DEFB106B: variants seen among roughly 807,000 people sequenced by gnomAD.
DEFB106B encodes the protein beta-defensin 106.
At chr8:7,483,328 G>GT (rs1381829055) in intron 1 of DEFB106B, among the ~76,000 whole-genome samples, 1 of 117,134 alleles carries the variant, frequency 8.5e-6, no homozygotes, top group African/African-American at 3.4e-5. Flanking sequence ...TGTTGGGAAT[G>GT]TTTTTCTAAG....
At chr8:7,484,368 T>C (rs1406168473) in intron 1 of DEFB106B, among the ~76,000 whole-genome samples, 2 of 148,014 alleles carry the variant, frequency 1.4e-5, no homozygotes, top group Admixed American at 1.4e-4. Flanking sequence ...TAGTGTATTA[T>C]ACTAGTATAT....
intron 1 of DEFB106B, among the ~76,000 whole-genome samples, chr8:7,484,451 G>A (rs1347701063): frequency 4.2e-4 from 60 of 142,796 alleles, no homozygotes; most frequent in Admixed American, 3.3e-3. Context: ...ATACTAGTAT[G>A]TATACTATGC....
At chr8:7,483,962 GTAT>G (rs1214169926) in intron 1 of DEFB106B, among the ~76,000 whole-genome samples, 1 of 125,156 alleles carries the variant, frequency 8.0e-6, no homozygotes, top group African/African-American at 3.1e-5. Flanking sequence ...ATATACCAGT[GTAT>G]TATACTAGTA....
At position 7,483,797 on chromosome 8, in the gene DEFB106B, A is replaced by G. The variant is rs551857209; in HGVS notation, c.50-1045T>C. Among the ~76,000 whole-genome samples the G allele has an allele frequency of 8.0e-4, 105 of 130,704 alleles. 11 individuals carry two copies. The highest frequency in any genetic ancestry group is 1.5e-3 in the Non-Finnish European group (95 of 62,578). The allele number at this position is 130,704 out of a possible 152,430, so 85.7% of individuals were successfully genotyped here. A position where few individuals can be genotyped will look rare whatever the true frequency, so the allele number is the denominator to read the frequency against. On this transcript the variant is annotated intron_variant, in intron 1 of 1. Coordinates refer to ENST00000335479, the MANE Select transcript of DEFB106B (RefSeq NM_001040704.2). ...GACTATAGTGTGGTATTCAGATAAA[A>G]TCTTTTTGGTTTAGTATAGTATCAT...
intron 1 of DEFB106B, among the ~76,000 whole-genome samples, chr8:7,484,232 C>T (rs1475931477): frequency 7.5e-6 from 1 of 133,320 alleles, no homozygotes; most frequent in Non-Finnish European, 1.6e-5. Context: ...CTAGTATATA[C>T]ACTATACTAT....
chr8:7,484,401 AT>A lies in DEFB106B; in HGVS notation c.50-1650del, dbSNP rs1181196622. On this transcript the variant is annotated intron_variant, in intron 1 of 1. Transcript: ENST00000335479. ...TATACACTATACTATATACTTGTGT[AT>A]TATACTAGTATATACACTATACTAT... is the stretch of plus-strand genomic sequence containing the variant. Among the ~76,000 whole-genome samples the A allele has an allele frequency of 1.3e-4, 20 of 148,408 alleles. 1 individual carries two copies. Among genetic ancestry groups the A allele is most frequent in the Admixed American group, 2.7e-4 (4 of 14,788 alleles).
rs1485536971 is a variant in DEFB106B, at chr8:7,484,387, C to T, written c.50-1635G>A. On this transcript the variant is annotated intron_variant, in intron 1 of 1. Coordinates refer to ENST00000335479, the MANE Select transcript of DEFB106B (RefSeq NM_001040704.2). ...GTATTATACTAGTATATACACTATA[C>T]TATATACTTGTGTATTATACTAGTA... 8.8e-5 allele frequency among the ~76,000 whole-genome samples: 13 copies of T among 147,594 alleles called. 1 individual carries two copies. The highest frequency in any genetic ancestry group is 3.3e-4 in the African/African-American group (13 of 39,580).
chr8:7,484,253 AT>A (rs562876342), intron 1 of DEFB106B, among the ~76,000 whole-genome samples: 108 of 129,950 alleles, frequency 8.3e-4, no homozygotes, highest in African/African-American at 1.9e-3. Context: ...ATACTAGTGT[AT>A]TATACTAGTA....
At chr8:7,483,214 TG>T (rs1471735526) in intron 1 of DEFB106B, among the ~76,000 whole-genome samples, 3 of 100,188 alleles carry the variant, frequency 3.0e-5, no homozygotes, top group Non-Finnish European at 6.0e-5. Flanking sequence ...GAGTTTACTG[TG>T]GTAGATAGAA....
chr8:7,484,350 C>T (rs1157990196), intron 1 of DEFB106B, among the ~76,000 whole-genome samples: 1 of 148,214 alleles, frequency 6.7e-6, no homozygotes, highest in Non-Finnish European at 1.5e-5. Context: ...ATACACTATA[C>T]TATATACTAG....
rs548857780 is a variant in DEFB106B at position 7,484,352 on chromosome 8, A to G, written c.50-1600T>C. Among the ~76,000 whole-genome samples the G allele has an allele frequency of 1.4e-4, 20 of 147,684 alleles. No individual in the cohort carries two copies. In the East Asian group the frequency reaches 1.8e-3, roughly 13 times the overall value. On this transcript the variant is annotated intron_variant, in intron 1 of 1. Coordinates refer to ENST00000335479, the MANE Select transcript of DEFB106B (RefSeq NM_001040704.2). ...TATGTACTAGTATATACACTATACT[A>G]TATACTAGTGTATTATACTAGTATA...
At chr8:7,483,881 G>T (rs1409931891) in intron 1 of DEFB106B, among the ~76,000 whole-genome samples, 4 of 131,966 alleles carry the variant, frequency 3.0e-5, no homozygotes, top group Non-Finnish European at 6.3e-5. Context: ...TGGTATAATA[G>T]TGTATACTAT....
intron 1 of DEFB106B, among the ~76,000 whole-genome samples, chr8:7,484,348 T>C (rs1051288454): frequency 1.3e-5 from 2 of 148,608 alleles, no homozygotes; most frequent in Non-Finnish European, 3.0e-5. Flanking sequence ...ATATACACTA[T>C]ACTATATACT....
At chr8:7,485,810 G>A (rs1201204758) in intron 1 of DEFB106B, among the ~76,000 whole-genome samples, 1 of 98,504 alleles carries the variant, frequency 1.0e-5, no homozygotes, top group Non-Finnish European at 2.0e-5. Flanking sequence ...TTAAATTAGG[G>A]GTAAGACAGA....
intron 1 of DEFB106B, among the ~76,000 whole-genome samples, chr8:7,484,179 AT>A (rs1202424885): frequency 7.3e-6 from 1 of 137,338 alleles, no homozygotes; most frequent in Non-Finnish European, 1.6e-5. Context: ...ATATTAGTGT[AT>A]TATACTAGTA....
chr8:7,484,611 A>C (rs1232139625), intron 1 of DEFB106B, among the ~76,000 whole-genome samples: 1 of 134,722 alleles, frequency 7.4e-6, no homozygotes, highest in African/African-American at 2.9e-5. Context: ...AGTGTCTCAC[A>C]CCTATAATCC....
intron 1 of DEFB106B, among the ~76,000 whole-genome samples, chr8:7,484,336 G>GTA (rs1811401664): frequency 6.8e-6 from 1 of 148,130 alleles, no homozygotes; most frequent in Non-Finnish European, 1.5e-5. Flanking sequence ...GTATGTACTA[G>GTA]TATATACACT....
intron 1 of DEFB106B, among the ~76,000 whole-genome samples, chr8:7,485,877 A>T (rs1811476434): frequency 1.0e-5 from 1 of 96,314 alleles, no homozygotes; most frequent in African/African-American, 4.3e-5. Flanking sequence ...TGAAGCTCTC[A>T]TCACAGTACT....
chr8:7,483,924 A>G (rs1811375465), intron 1 of DEFB106B, among the ~76,000 whole-genome samples: 1 of 129,376 alleles, frequency 7.7e-6, no homozygotes, highest in African/African-American at 3.0e-5. Flanking sequence ...TATACTATAT[A>G]CTAGTGTGTT....
Sources: allele counts gnomAD v4.1 joint callset (sites outside exome capture counted in the v4.1 genomes callset), GRCh38; gene constraint gnomAD v4.1.1; transcripts MANE v1.5; gene names NCBI Gene and HGNC (gene_info 2026-07-23, HGNC 2026-07-21).